The following KLHL32 variants were observed in gnomAD, a reference collection of about 807,000 sequenced individuals.
The protein encoded by KLHL32 is kelch like family member 32.
KLHL32 carries 35 observed loss-of-function variants against 64.8 expected under a neutral mutation model. The observed-to-expected ratio is 0.54, with a 90% CI of 0.41 to 0.72. The LOEUF (loss-of-function observed/expected upper bound fraction) is 0.72, where lower values mean the gene tolerates loss of function less well. Ranked by LOEUF, KLHL32 falls within the 30% of genes least tolerant of loss-of-function variation. The pLI, the probability that KLHL32 is intolerant of heterozygous loss-of-function variation, is 0.00. For synonymous variants in KLHL32, 259 were observed against 281.0 expected (o/e 0.92, Z 0.78); for missense variants, 589 against 768.5 (o/e 0.77, Z 2.76).
chr6:97,114,863 C>T (rs1257444715), intron 7 of KLHL32, among the ~76,000 whole-genome samples: 1 of 152,116 alleles, frequency 6.6e-6, no homozygotes, highest in Non-Finnish European at 1.5e-5. Context: ...TTCTTTCACC[C>T]CTGGCTACCT....
chr6:97,004,300 G>C (rs972347926), intron 3 of KLHL32, among the ~76,000 whole-genome samples: 7 of 152,160 alleles, frequency 4.6e-5, no homozygotes, highest in Non-Finnish European at 1.0e-4. Flanking sequence ...GTATAGAAAT[G>C]CTACTGATTT....
chr6:97,059,672 G>A (rs931407447), intron 4 of KLHL32, among the ~76,000 whole-genome samples: 2 of 151,962 alleles, frequency 1.3e-5, no homozygotes, highest in South Asian at 2.1e-4. Context: ...AGTCCTTAGT[G>A]CAGTGGTTTT....
chr6:97,094,741 A>G (rs1460263084), intron 6 of KLHL32, among the ~76,000 whole-genome samples: 2 of 152,182 alleles, frequency 1.3e-5, no homozygotes, highest in African/African-American at 4.8e-5. Context: ...TCCTTTGTCT[A>G]TAGGAAGAGT....
chr6:97,058,590 A>G (rs1196367524), intron 4 of KLHL32, among the ~76,000 whole-genome samples: 1 of 152,250 alleles, frequency 6.6e-6, no homozygotes, highest in African/African-American at 2.4e-5. Flanking sequence ...TTTTACAGCT[A>G]TGTGTAGCCA....
At chr6:97,041,887 G>A (rs1785175442) in intron 4 of KLHL32, among the ~76,000 whole-genome samples, 1 of 152,006 alleles carries the variant, frequency 6.6e-6, no homozygotes, top group South Asian at 2.1e-4. Flanking sequence ...GAGTTTGCAA[G>A]ATAATGGATT....
At chr6:97,076,298 A>G (rs1254078397) in intron 5 of KLHL32, among the ~76,000 whole-genome samples, 1 of 152,208 alleles carries the variant, frequency 6.6e-6, no homozygotes, top group Non-Finnish European at 1.5e-5. Context: ...GTGAGTATGG[A>G]CTATGCAAAG....
At chr6:96,942,654 G>GGGGTGTGTGTGT (rs1554202843) in intron 1 of KLHL32, among the ~76,000 whole-genome samples, 44 of 144,232 alleles carry the variant, frequency 3.1e-4, no homozygotes, top group African/African-American at 1.1e-3. Context: ...ACAGCTGTGG[G>GGGGTGTGTGTGT]GTGTGTGTGT....
chr6:97,111,508 G>C (rs1272201501), intron 6 of KLHL32, among the ~76,000 whole-genome samples: 1 of 152,216 alleles, frequency 6.6e-6, no homozygotes, highest in Non-Finnish European at 1.5e-5. Flanking sequence ...ATGCAGGTGA[G>C]TGAGTGCAGG....
At chr6:96,975,879 C>A (rs1562206538) in intron 2 of KLHL32, 118 bp from the exon 3 acceptor site, 2 of 601,328 alleles carry the variant, frequency 3.3e-6, no homozygotes, top group Non-Finnish European at 2.7e-6. Flanking sequence ...CAGATGGTCA[C>A]ACTCATAGAG....
intron 9 of KLHL32, 125 bp downstream of exon 9, chr6:97,131,074 T>A: frequency 1.3e-6 from 1 of 792,106 alleles, no homozygotes; most frequent in Non-Finnish European, 2.0e-6. Flanking sequence ...CTGCATTTAT[T>A]AACCAGAAAG....
At chr6:97,091,444 C>T (rs1794209885) in intron 6 of KLHL32, among the ~76,000 whole-genome samples, 1 of 152,172 alleles carries the variant, frequency 6.6e-6, no homozygotes, top group Non-Finnish European at 1.5e-5. Flanking sequence ...ACTACTATTG[C>T]CTGCCATATG....
chr6:96,943,043 A>G (rs1771511613), intron 1 of KLHL32, among the ~76,000 whole-genome samples: 1 of 101,014 alleles, frequency 9.9e-6, no homozygotes, highest in Non-Finnish European at 1.9e-5. Flanking sequence ...CTCTACACAC[A>G]CACACACACA....
In KLHL32 at chr6:96,978,736, A is replaced by T. The variant is rs560033929; in HGVS notation, c.204+2559A>T. Among the ~76,000 whole-genome samples, 7 of 152,276 alleles carry T rather than the reference A, an allele frequency of 4.6e-5. No homozygotes were observed. The East Asian group carries it at 1.4e-3, about 29-fold the overall frequency. Reference sequence around the variant, plus strand: ...AATTGCCAAACGGCTTTCCACAATGACTGAACTAATTTGCATTGCCACCAG... The same window carrying T: ...AATTGCCAAACGGCTTTCCACAATGTCTGAACTAATTTGCATTGCCACCAG... On this transcript the variant is annotated intron_variant, in intron 3 of 10. Coordinates refer to ENST00000369261, the MANE Select transcript of KLHL32 (RefSeq NM_052904.4).
intron 3 of KLHL32, among the ~76,000 whole-genome samples, chr6:97,003,431 C>G (rs1035993239): frequency 1.1e-4 from 16 of 152,142 alleles, no homozygotes; most frequent in Middle Eastern, 3.4e-3. Flanking sequence ...AAATTTTCTC[C>G]CATTCTCTAT....
At chr6:97,074,959 A>G (rs1410316198) in intron 5 of KLHL32, among the ~76,000 whole-genome samples, 3 of 152,158 alleles carry the variant, frequency 2.0e-5, no homozygotes, top group African/African-American at 2.4e-5. Flanking sequence ...TTGAAACAGC[A>G]TTTTGCAGCA....
chr6:96,989,301 G>A (rs1402212121), intron 3 of KLHL32, among the ~76,000 whole-genome samples: 1 of 152,164 alleles, frequency 6.6e-6, no homozygotes, highest in Admixed American at 6.5e-5. Flanking sequence ...TGTTGGTAAT[G>A]AATTCCCTTA....
the KLHL32 span, among the ~76,000 whole-genome samples, chr6:96,919,068 C>T: frequency 6.6e-6 from 1 of 152,170 alleles, no homozygotes; most frequent in Non-Finnish European, 1.5e-5. Flanking sequence ...GTGAGAGATT[C>T]ATGACCTAGA....
chr6:96,980,055 T>A (rs1021927021), intron 3 of KLHL32, among the ~76,000 whole-genome samples: 1 of 152,122 alleles, frequency 6.6e-6, no homozygotes, highest in Admixed American at 6.6e-5. Context: ...ATTTAGGAGA[T>A]ATGGGGCAGA....
chr6:97,108,513 A>G (rs1482072233), intron 6 of KLHL32, among the ~76,000 whole-genome samples: 1 of 152,200 alleles, frequency 6.6e-6, no homozygotes, highest in African/African-American at 2.4e-5. Context: ...ATGGCAGTGA[A>G]TAATGTTAGA....
Sources: allele counts gnomAD v4.1 joint callset (sites outside exome capture counted in the v4.1 genomes callset), GRCh38; gene constraint gnomAD v4.1.1; transcripts MANE v1.5; gene names NCBI Gene and HGNC (gene_info 2026-07-23, HGNC 2026-07-21).